Variants in PCDH11X observed in about 807,000 individuals in gnomAD.
The protein encoded by PCDH11X is protocadherin-11 X-linked.
A neutral mutation model predicts 53.3 loss-of-function variants in PCDH11X; 18 were observed. The ratio of observed to expected loss-of-function variants is 0.34; its 90% CI spans 0.23 to 0.50. The LOEUF (loss-of-function observed/expected upper bound fraction) is 0.50, where lower values mean the gene tolerates loss of function less well. PCDH11X is among the 20% of genes least tolerant of loss of function. The pLI is 0.98. For missense variants in PCDH11X, 570 were observed against 1,032.4 expected, an observed-to-expected ratio of 0.55 and a Z score of 6.14; for synonymous variants, 279 against 393.3, an observed-to-expected ratio of 0.71 and a Z score of 3.44.
intron 6 of PCDH11X, among the ~76,000 whole-genome samples, chrX:92,162,062 C>A: frequency 1.3e-5 from 1 of 79,959 alleles, no homozygotes; most frequent in African/African-American, 4.9e-5. Context: ...TGCTGGTGAG[C>A]AAGTGTGATT....
rs747181943 is a variant in PCDH11X at position 91,785,287 on chromosome X, AC to A, written c.-379+5609del. Among the ~76,000 whole-genome samples, 272 of 96,867 alleles carry A rather than the reference AC, an allele frequency of 2.8e-3. 3 individuals are homozygous for A. Among genetic ancestry groups the A allele is most frequent in the Middle Eastern group, 0.011 (2 of 183 alleles). The allele number at this position is 96,867 out of a possible 115,157, so 84.1% of individuals were successfully genotyped here. A position where few individuals can be genotyped will look rare whatever the true frequency, so the allele number is the denominator to read the frequency against. On this transcript the variant is annotated intron_variant, in intron 1 of 10. Coordinates refer to ENST00000682573, the MANE Select transcript of PCDH11X (RefSeq NM_032968.5). ...TCAAGTTTAAATATTTTGAGAAGGG[AC>A]CCCCCTCAGCAGACCCCCTCATCCC...
At position 92,182,773 on chromosome X, in the gene PCDH11X, G is replaced by T. The variant is rs758170304; in HGVS notation, c.3034-18602G>T. Among the ~76,000 whole-genome samples the T allele has an allele frequency of 3.6e-5, 4 of 111,508 alleles. No homozygotes were observed. In the South Asian group the frequency reaches 1.5e-3, roughly 43 times the overall value. On this transcript the variant is annotated intron_variant, in intron 6 of 10. Transcript: ENST00000682573. ...CCATGATTGAGGCCTCTCCAGCCATGTGGAGCTGTAAGTCCATTAAACCTC... is the reference window on the plus strand; with the variant it reads ...CCATGATTGAGGCCTCTCCAGCCATTTGGAGCTGTAAGTCCATTAAACCTC...
rs1005847946 is a variant in PCDH11X at position 92,137,783 on chromosome X, A to G, written c.3034-63592A>G. ...TGCTTATTCGGGATATTTCATATAA[A>G]TGAAATAATATAATATGTGATATTT... On this transcript the variant is annotated intron_variant, in intron 6 of 10. Coordinates refer to ENST00000682573, the MANE Select transcript of PCDH11X (RefSeq NM_032968.5). 1.1e-3 allele frequency among the ~76,000 whole-genome samples: 120 copies of G among 109,427 alleles called. 1 individual carries two copies. The highest frequency in any genetic ancestry group is 3.8e-3 in the African/African-American group (115 of 30,101).
chrX:91,900,480 A>G (rs1454116108), intron 6 of PCDH11X, among the ~76,000 whole-genome samples: 1 of 108,482 alleles, frequency 9.2e-6, no homozygotes, highest in Admixed American at 1.0e-4. Context: ...GCAGTACCAT[A>G]TATTGGACAG....
At chrX:92,243,920 A>G (rs1405425019) in intron 7 of PCDH11X, among the ~76,000 whole-genome samples, 1 of 111,549 alleles carries the variant, frequency 9.0e-6, no homozygotes, top group Non-Finnish European at 1.9e-5. Flanking sequence ...TCCTGTAATC[A>G]CTTAATAATT....
At chrX:92,098,658 T>C (rs2064184003) in intron 6 of PCDH11X, among the ~76,000 whole-genome samples, 1 of 98,953 alleles carries the variant, frequency 1.0e-5, no homozygotes, top group South Asian at 5.1e-4. Context: ...TTTTTTTTTT[T>C]TTTTGAGACA....
intron 1 of PCDH11X, among the ~76,000 whole-genome samples, chrX:91,798,886 T>C (rs1397084594): frequency 1.8e-5 from 2 of 110,729 alleles, no homozygotes; most frequent in Non-Finnish European, 1.9e-5. Flanking sequence ...TGTTGGAATG[T>C]ATTTTACTCA....
At chrX:92,168,524 A>C (rs1029105970) in intron 6 of PCDH11X, among the ~76,000 whole-genome samples, 15 of 109,368 alleles carry the variant, frequency 1.4e-4, no homozygotes, top group African/African-American at 5.0e-4. Context: ...ACAGAGTGAA[A>C]CTCTGCCTCA....
chrX:92,213,019 G>A (rs1468549270), intron 7 of PCDH11X, among the ~76,000 whole-genome samples: 3 of 111,745 alleles, frequency 2.7e-5, no homozygotes, highest in Non-Finnish European at 5.6e-5. Context: ...GCTTAATCTG[G>A]GAACTTTTGA....
intron 8 of PCDH11X, among the ~76,000 whole-genome samples, chrX:92,346,730 A>G (rs5984175): frequency 0.27 from 30,140 of 111,012 alleles, 3,819 homozygotes; most frequent in East Asian, 0.85. Flanking sequence ...CTAGTCAAAG[A>G]GGCCTATCCT....
rs185327228 is a variant in PCDH11X at position 92,148,312 on chromosome X, T to C, written c.3034-53063T>C. ...GGCACAATCTGGGCTCACTGCAACC[T>C]CTGCCTCCCAGGTTCAAGCGATTCT... On this transcript the variant is annotated intron_variant, in intron 6 of 10. Transcript: ENST00000682573. Among the ~76,000 whole-genome samples the C allele has an allele frequency of 4.7e-3, 471 of 99,332 alleles. 1 individual carries two copies. Among genetic ancestry groups the C allele is most frequent in the Non-Finnish European group, 6.4e-3 (319 of 49,861 alleles). 86.3% of individuals were successfully genotyped at this position (99,332 alleles called of 115,157 possible).
intron 7 of PCDH11X, among the ~76,000 whole-genome samples, chrX:92,243,707 T>G (rs931565212): frequency 8.1e-5 from 9 of 111,701 alleles, no homozygotes; most frequent in Admixed American, 9.6e-5. Context: ...TTCATCTAAA[T>G]TAAACCAGAT....
intron 7 of PCDH11X, among the ~76,000 whole-genome samples, chrX:92,216,981 A>C (rs1312269398): frequency 8.2e-5 from 9 of 110,139 alleles, no homozygotes; most frequent in South Asian, 4.0e-4. Flanking sequence ...GAAATAAAAT[A>C]CTTTACAGAC....
chrX:92,354,533 C>G (rs1430250059), intron 8 of PCDH11X, among the ~76,000 whole-genome samples: 2 of 110,629 alleles, frequency 1.8e-5, no homozygotes, highest in Admixed American at 1.9e-4. Context: ...AAAACTGATG[C>G]CAACTTAGTT....
At chrX:91,955,680 T>C (rs2061699135) in intron 6 of PCDH11X, among the ~76,000 whole-genome samples, 1 of 112,062 alleles carries the variant, frequency 8.9e-6, no homozygotes, top group Admixed American at 9.5e-5. Flanking sequence ...TTACTTCCTA[T>C]TATGTGATCA....
chrX:92,348,066 T>C (rs2069946624), intron 8 of PCDH11X, among the ~76,000 whole-genome samples: 1 of 111,450 alleles, frequency 9.0e-6, no homozygotes, highest in Non-Finnish European at 1.9e-5. Context: ...GGGTGATTTA[T>C]TATAGAACCC....
intron 10 of PCDH11X, among the ~76,000 whole-genome samples, chrX:92,606,301 G>A (rs1602434428): frequency 9.8e-6 from 1 of 102,167 alleles, no homozygotes. Context: ...AACTAGATTA[G>A]CCAAAATAAT....
chrX:92,201,232 A>T, intron 6 of PCDH11X, 143 bp from the exon 7 acceptor site: 1 of 792,385 alleles, frequency 1.3e-6, no homozygotes, highest in Non-Finnish European at 1.7e-6. Flanking sequence ...CATTTGTTAC[A>T]TAAATAAACT....
At chrX:92,478,589 A>G (rs1333889981) in intron 10 of PCDH11X, among the ~76,000 whole-genome samples, 2 of 110,983 alleles carry the variant, frequency 1.8e-5, no homozygotes, top group African/African-American at 3.3e-5. Flanking sequence ...ATGAGTTTCA[A>G]ATAACTTCTT....
Sources: gnomAD v4.1 joint callset for allele counts (sites outside exome capture counted in the v4.1 genomes callset) on GRCh38, gnomAD v4.1.1 for gene constraint, MANE v1.5 for transcripts, NCBI Gene and HGNC (gene_info 2026-07-23, HGNC 2026-07-21) for gene names.